Variants in TKT observed in about 807,000 individuals in gnomAD.
TKT encodes epididymis luminal protein 107.
Under a neutral mutation model 63.9 loss-of-function variants are expected in TKT, and 47 were observed. That is an observed-to-expected ratio of 0.74 (90% CI 0.58 to 0.94). The LOEUF (loss-of-function observed/expected upper bound fraction) is 0.94, where lower values mean the gene tolerates loss of function less well. Among genes scored for constraint, TKT ranks in the 40% least tolerant of loss-of-function variants. The probability of loss-of-function intolerance (pLI) is 0.00; values close to 1 mark genes in which losing one functional copy is unlikely to be tolerated. For synonymous variants in TKT, 338 were observed against 334.1 expected, an observed-to-expected ratio of 1.01 and a Z score of -0.13; for missense variants, 721 against 846.2, an observed-to-expected ratio of 0.85 and a Z score of 1.84.
chr3:53,233,393 G>A (rs185257255), intron 5 of TKT, 119 bp from the exon 6 acceptor site: 21 of 629,380 alleles, frequency 3.3e-5, no homozygotes, highest in African/African-American at 1.7e-4. Context: ...CCACAACTGC[G>A]GCCTCAGCTG....
rs1198569747 is a variant in TKT at position 53,233,119 on chromosome 3, G to A, written c.748+37C>T. 4 of 1,576,456 alleles carry A rather than the reference G, an allele frequency of 2.5e-6. No individual in the cohort carries two copies. In the East Asian group the frequency reaches 9.0e-5, roughly 35 times the overall value. On this transcript the variant is annotated intron_variant, in intron 6 of 13. Transcript: ENST00000462138. The stretch of plus-strand genomic sequence containing the variant: ...CTACGTAGCCACAGTGTCTGGGCGA[G>A]GGGTGAAGGTGGGGAGGGCGGCTTG...
chr3:53,232,277 A>G (rs1281050816), intron 6 of TKT: 1 of 398,270 alleles, frequency 2.5e-6, no homozygotes, highest in Non-Finnish European at 4.4e-6. Context: ...AGTGCCAGGC[A>G]GCAGCACCAA....
rs1491469313 is a variant in TKT at position 53,237,493 on chromosome 3, T to TAC, written c.438-2320_438-2319insGT. Among the ~76,000 whole-genome samples, 11 of 93,796 alleles carry TAC rather than the reference T, an allele frequency of 1.2e-4. No homozygotes were observed. In the South Asian group the frequency reaches 3.1e-3, roughly 27 times the overall value. The allele number at this position is 93,796 out of a possible 152,430, so 61.5% of individuals were successfully genotyped here. ...TAAAGTGTAATACTAGATTTTATAT[T>TAC]ATACACACACACACACACACACACA... is the stretch of plus-strand genomic sequence containing the variant. On this transcript the variant is annotated intron_variant, in intron 4 of 13. Coordinates refer to ENST00000462138, the MANE Select transcript of TKT (RefSeq NM_001064.4).
At chr3:53,230,350 G>T in intron 8 of TKT, 107 bp downstream of exon 8, 1 of 1,422,678 alleles carries the variant, frequency 7.0e-7, no homozygotes, top group Non-Finnish European at 9.8e-7. Flanking sequence ...GTCTCCCTGG[G>T]CTGGCCTACA....
chr3:53,229,471 G>T, intron 8 of TKT, 35 bp from the exon 9 acceptor site: 3 of 1,579,998 alleles, frequency 1.9e-6, no homozygotes, highest in Non-Finnish European at 2.6e-6. Flanking sequence ...GCCCAAAGGG[G>T]CAGGCAGAGG....
chr3:53,226,081 T>TCA, intron 13 of TKT, 150 bp from the exon 14 acceptor site: 1 of 663,824 alleles, frequency 1.5e-6, no homozygotes, highest in Admixed American at 3.5e-5. Context: ...CATAACTCAT[T>TCA]GATTTTTTTT....
chr3:53,228,030 T>C (rs782647129), intron 12 of TKT, 26 bp downstream of exon 12: 2 of 1,608,246 alleles, frequency 1.2e-6, no homozygotes, highest in Admixed American at 3.3e-5. Flanking sequence ...GCTCAGTTGA[T>C]GACTTTGGAG....
chr3:53,227,072 G>A lies in TKT; in HGVS notation c.1574-194C>T, dbSNP rs377236376. ...CTCATGCTTGCCAACCCCTTGCACT[G>A]GGGCATCTGGTCCAGCTGTGTTGCC... On this transcript the variant is annotated intron_variant, in intron 12 of 13. Transcript: ENST00000462138. 4.7e-6 allele frequency: 3 copies of A among 632,368 alleles called. No homozygotes were observed. The African/African-American group carries it at 5.6e-5, about 12-fold the overall frequency. 39.2% of individuals were successfully genotyped at this position (632,368 alleles called of 1,614,324 possible).
intron 8 of TKT, 140 bp downstream of exon 8, chr3:53,230,317 G>T: frequency 9.0e-7 from 1 of 1,111,046 alleles, no homozygotes; most frequent in Non-Finnish European, 1.3e-6. Context: ...AGGGGTTAAC[G>T]CTGGGTCCTG....
rs3736155 is a variant in TKT, at chr3:53,229,184, C to A, written c.1265-47G>T. On this transcript the variant is annotated intron_variant, in intron 9 of 13. Coordinates refer to ENST00000462138, the MANE Select transcript of TKT (RefSeq NM_001064.4). ...ATGCAGAAATAAGACCCCTACCCCC[C>A]CATCCATGGGCTGGAATCCTGGCCC... is the stretch of plus-strand genomic sequence containing the variant. 270 of 1,613,292 alleles carry A rather than the reference C, an allele frequency of 1.7e-4. No homozygotes were observed. Among genetic ancestry groups the A allele is most frequent in the Middle Eastern group, 6.6e-4 (4 of 6,058 alleles).
chr3:53,232,638 C>A (rs1704820215), intron 6 of TKT: 1 of 398,072 alleles, frequency 2.5e-6, no homozygotes. Flanking sequence ...CTGCCTCATT[C>A]TCCGGCCTGG....
intron 6 of TKT, 49 bp from the exon 7 acceptor site, chr3:53,231,599 C>T (rs1024825377): frequency 3.8e-6 from 6 of 1,562,084 alleles, no homozygotes; most frequent in Non-Finnish European, 5.2e-6. Context: ...ACAGAAGCTC[C>T]CAGAGGGCCA....
In TKT at chr3:53,241,244, C is replaced by T; in HGVS notation, c.227G>A (p.Gly76Asp). ...PHNDRFVLSKGHAAPILYAVW... is the reference protein window; with the variant it reads ...PHNDRFVLSKDHAAPILYAVW... ...CGCGTAGAGGATGGGAGCTGCATGG[C>T]CCTGCCGGGAGATGGATGGTGGGGT... is the stretch of plus-strand genomic sequence containing the variant. Residue 76 changes from glycine (G) to aspartate (D), a missense_variant and splice_region_variant, in exon 3 of 14, where the codon GGC becomes GAC. Gly to Asp is a moderately conservative substitution (Grantham distance 94, BLOSUM62 -1). Coordinates refer to ENST00000462138, the MANE Select transcript of TKT (RefSeq NM_001064.4). The T allele has an allele frequency of 6.3e-7, 1 of 1,598,496 alleles. No individual in the cohort carries two copies. The highest frequency in any genetic ancestry group is 8.5e-7 in the Non-Finnish European group (1 of 1,174,774).
intron 9 of TKT, 36 bp downstream of exon 9, chr3:53,229,244 G>A: frequency 2.5e-6 from 4 of 1,613,298 alleles, no homozygotes; most frequent in Non-Finnish European, 3.4e-6. Flanking sequence ...CAAAAGTCAA[G>A]GGAGCTCCAG....
chr3:53,235,774 TC>T (rs1268913314), intron 4 of TKT, among the ~76,000 whole-genome samples: 1 of 152,112 alleles, frequency 6.6e-6, no homozygotes, highest in Non-Finnish European at 1.5e-5. Context: ...TCCCCAAGCT[TC>T]CAAGACTAGC....
intron 6 of TKT, chr3:53,231,947 G>A (rs377578703): frequency 1.9e-5 from 5 of 260,650 alleles, no homozygotes; most frequent in Non-Finnish European, 2.9e-5. Flanking sequence ...TCAGTTTGTC[G>A]ACTGGGTTGG....
chr3:53,234,011 G>A (rs1197080126), intron 5 of TKT: 3 of 152,214 alleles, frequency 2.0e-5, no homozygotes, highest in African/African-American at 7.2e-5. Flanking sequence ...AGGACTTCAG[G>A]AATCTGGCTT....
chr3:53,251,798 C>G (rs150895888), intron 1 of TKT, among the ~76,000 whole-genome samples: 169 of 152,106 alleles, frequency 1.1e-3, no homozygotes, highest in African/African-American at 3.8e-3. Flanking sequence ...CCTCTGTACT[C>G]CAGACCTGGT....
chr3:53,235,216 A>G, intron 4 of TKT, 42 bp from the exon 5 acceptor site: 1 of 1,545,650 alleles, frequency 6.5e-7, no homozygotes, highest in Non-Finnish European at 8.8e-7. Flanking sequence ...TCTCACCTGG[A>G]CCCAGCTGGC....
Sources: gnomAD v4.1 joint callset for allele counts (sites outside exome capture counted in the v4.1 genomes callset) on GRCh38, gnomAD v4.1.1 for gene constraint, MANE v1.5 for transcripts, NCBI Gene and HGNC (gene_info 2026-07-23, HGNC 2026-07-21) for gene names.